RAPGEF4: variants seen among roughly 807,000 people sequenced by gnomAD.
RAPGEF4 encodes Rap guanine nucleotide exchange factor 4, also known as RAP guanine-nucleotide-exchange factor (GEF) 4.
Under a neutral mutation model 147.9 loss-of-function variants are expected in RAPGEF4, and 66 were observed. That is an observed-to-expected ratio of 0.45 (90% CI 0.37 to 0.55). The LOEUF (loss-of-function observed/expected upper bound fraction) is 0.55, where lower values mean the gene tolerates loss of function less well. Ranked by LOEUF, RAPGEF4 falls within the 20% of genes least tolerant of loss-of-function variation. The pLI is 0.00. For missense variants in RAPGEF4, 1,071 were observed against 1,257.3 expected, an observed-to-expected ratio of 0.85 and a Z score of 2.24; for synonymous variants, 419 against 442.7, an observed-to-expected ratio of 0.95 and a Z score of 0.67.
At position 173,016,414 on chromosome 2, in the gene RAPGEF4, G is replaced by T. The variant is rs1695513839; in HGVS notation, c.1875G>T (p.Glu625Asp). Residue 625 changes from glutamate (E) to aspartate (D), a missense_variant, in exon 19 of 31, where the codon GAG becomes GAT. Transcript: ENST00000397081. ...CTGCCCTCAAGGAGCAACTGCCAGA[G>T]TTGGAGAAGATTGTCAAGCAAATGT... The part of the protein sequence containing the change: ...MIAALKEQLP[E>D]LEKIVKQISE... 1 of 1,612,538 alleles carries T rather than the reference G, an allele frequency of 6.2e-7. No homozygotes were observed. The highest frequency in any genetic ancestry group is 1.3e-5 in the African/African-American group (1 of 74,894).
At chr2:172,810,419 C>T (rs1415241667) in intron 3 of RAPGEF4, among the ~76,000 whole-genome samples, 2 of 152,168 alleles carry the variant, frequency 1.3e-5, no homozygotes, top group African/African-American at 2.4e-5. Context: ...AGTGTGTGGC[C>T]CAGTTCCCAC....
At chr2:172,751,196 C>T (rs183310448) in intron 1 of RAPGEF4, among the ~76,000 whole-genome samples, 33 of 152,298 alleles carry the variant, frequency 2.2e-4, no homozygotes, top group Non-Finnish European at 3.7e-4. Flanking sequence ...ATTTACTTTC[C>T]TACTGTCATT....
intron 4 of RAPGEF4, among the ~76,000 whole-genome samples, chr2:172,887,849 G>T (rs1697421958): frequency 6.6e-6 from 1 of 152,012 alleles, no homozygotes; most frequent in African/African-American, 2.4e-5. Context: ...AGCTAGTGAG[G>T]CCCTGGTTGG....
chr2:172,890,263 A>G (rs1363867413), intron 4 of RAPGEF4, among the ~76,000 whole-genome samples: 2 of 152,230 alleles, frequency 1.3e-5, no homozygotes, highest in African/African-American at 4.8e-5. Context: ...CGGGGCTTAG[A>G]GTCAGGACTT....
intron 1 of RAPGEF4, among the ~76,000 whole-genome samples, chr2:172,762,106 C>T (rs1298919459): frequency 6.6e-6 from 1 of 152,210 alleles, no homozygotes; most frequent in Non-Finnish European, 1.5e-5. Flanking sequence ...ATGAGTGAGA[C>T]TCCGTCTCAA....
At chr2:173,005,853 G>A (rs1694424605) in intron 17 of RAPGEF4, among the ~76,000 whole-genome samples, 1 of 152,108 alleles carries the variant, frequency 6.6e-6, no homozygotes, top group Admixed American at 6.6e-5. Context: ...AGAAATCAAG[G>A]TACAGGGAGG....
chr2:172,891,192 C>A (rs1204332703), intron 4 of RAPGEF4, among the ~76,000 whole-genome samples: 1 of 152,146 alleles, frequency 6.6e-6, no homozygotes, highest in Non-Finnish European at 1.5e-5. Flanking sequence ...AGCGCTGACC[C>A]TTCTGAACAT....
rs187383039 is a variant in RAPGEF4 at position 172,742,303 on chromosome 2, T to C, written c.65+6255T>C. On this transcript the variant is annotated intron_variant, in intron 1 of 30. Coordinates refer to ENST00000397081, the MANE Select transcript of RAPGEF4 (RefSeq NM_007023.4). Reference sequence around the variant, plus strand: ...CCAAATAAGTTGCATTTAGTTGATATGTCTATAGGTCTGGGTTCTCTCTTT... The same window carrying C: ...CCAAATAAGTTGCATTTAGTTGATACGTCTATAGGTCTGGGTTCTCTCTTT... 3.9e-5 allele frequency among the ~76,000 whole-genome samples: 6 copies of C among 152,360 alleles called. No homozygotes were observed. The East Asian group carries it at 9.6e-4, about 24-fold the overall frequency.
chr2:172,755,820 C>G (rs1288006834), intron 1 of RAPGEF4, among the ~76,000 whole-genome samples: 1 of 152,158 alleles, frequency 6.6e-6, no homozygotes, highest in Non-Finnish European at 1.5e-5. Context: ...AGTACAATGT[C>G]AAAACTAGGA....
intron 5 of RAPGEF4, among the ~76,000 whole-genome samples, chr2:172,919,739 CT>C (rs1684520120): frequency 6.6e-6 from 1 of 152,176 alleles, no homozygotes; most frequent in African/African-American, 2.4e-5. Flanking sequence ...GCCTCTCAAG[CT>C]CAAAATGTTG....
chr2:172,904,574 C>T (rs1308044711), intron 4 of RAPGEF4, among the ~76,000 whole-genome samples: 1 of 152,176 alleles, frequency 6.6e-6, no homozygotes, highest in Admixed American at 6.5e-5. Flanking sequence ...CCTGAAATCT[C>T]TGAACCTTTT....
intron 6 of RAPGEF4, among the ~76,000 whole-genome samples, chr2:172,929,558 TA>T (rs1685707996): frequency 6.6e-6 from 1 of 152,272 alleles, no homozygotes; most frequent in South Asian, 2.1e-4. Flanking sequence ...TGCCAGTTTT[TA>T]TAAATGTCTA....
chr2:172,760,487 G>A (rs1574732004), intron 1 of RAPGEF4, among the ~76,000 whole-genome samples: 2 of 152,336 alleles, frequency 1.3e-5, no homozygotes, highest in East Asian at 1.9e-4. Context: ...GGGAGGCCGA[G>A]GTGGGTGGAT....
chr2:172,935,275 C>T (rs1686438118), intron 6 of RAPGEF4, among the ~76,000 whole-genome samples: 1 of 152,134 alleles, frequency 6.6e-6, no homozygotes, highest in Admixed American at 6.5e-5. Context: ...TCTTCCCCAG[C>T]CTAGAAACAT....
At chr2:173,031,457 G>C (rs139674882) in intron 26 of RAPGEF4, among the ~76,000 whole-genome samples, 1 of 152,340 alleles carries the variant, frequency 6.6e-6, no homozygotes, top group East Asian at 1.9e-4. Flanking sequence ...CTCCTGCAAA[G>C]AGTCTGCCTT....
rs186596392 is a variant in RAPGEF4 at position 173,048,626 on chromosome 2, A to G, written c.2880A>G (p.Thr960=). The change falls in exon 30 of 31, where the codon ACA becomes ACG. Residue 960 remains threonine (T), a synonymous_variant. Transcript: ENST00000397081. ...KMRMIANTAR[T]VRYYRSQPFN... ...GCATGATTGCAAATACGGCCAGAAC[A>G]GTGAGATACTACAGGAGCCAACCCT... 143 of 1,614,148 alleles carry G rather than the reference A, an allele frequency of 8.9e-5. No homozygotes were observed. The highest frequency in any genetic ancestry group is 1.1e-4 in the Non-Finnish European group (132 of 1,180,024).
intron 4 of RAPGEF4, among the ~76,000 whole-genome samples, chr2:172,862,509 A>G (rs1387085694): frequency 2.0e-5 from 3 of 152,168 alleles, no homozygotes; most frequent in Non-Finnish European, 2.9e-5. Context: ...AACCAACTAG[A>G]TTAAAAACTC....
chr2:172,752,949 TAAC>T (rs1300080883), intron 1 of RAPGEF4, among the ~76,000 whole-genome samples: 1 of 152,232 alleles, frequency 6.6e-6, no homozygotes, highest in African/African-American at 2.4e-5. Flanking sequence ...ATATTTATCT[TAAC>T]AACTTTAGAG....
intron 2 of RAPGEF4, among the ~76,000 whole-genome samples, chr2:172,796,241 T>C (rs188551903): frequency 6.6e-6 from 1 of 152,210 alleles, no homozygotes; most frequent in East Asian, 1.9e-4. Context: ...AACGTTATTG[T>C]AGAAAATTTA....
Sources: gnomAD v4.1 joint callset for allele counts (sites outside exome capture counted in the v4.1 genomes callset) on GRCh38, gnomAD v4.1.1 for gene constraint, MANE v1.5 for transcripts, NCBI Gene and HGNC (gene_info 2026-07-23, HGNC 2026-07-21) for gene names.